ZSCAN5B: variants seen among roughly 807,000 people sequenced by gnomAD.
The protein encoded by ZSCAN5B is zinc finger and SCAN domain containing 5B.
In ZSCAN5B, 26 loss-of-function variants were observed where a neutral mutation model predicts 25.2. That is an observed-to-expected ratio of 1.03 (90% CI 0.76 to 1.43). The LOEUF is 1.43. ZSCAN5B is among the 40% of genes most tolerant of loss of function. The pLI is 0.00. For missense variants in ZSCAN5B, 745 were observed against 622.1 expected (o/e 1.20, Z -2.10); for synonymous variants, 244 against 240.9 (o/e 1.01, Z -0.12).
chr19:56,189,726 T>A (rs1175017368), exon 5 of ZSCAN5B: 1 of 1,398,940 alleles, frequency 7.1e-7, no homozygotes, highest in Admixed American at 2.7e-5. Flanking sequence ...ATCCGGGCAA[T>A]TCCTACCAAG....
chr19:56,196,765 T>G (rs2032815611), intron 1 of ZSCAN5B, among the ~76,000 whole-genome samples: 1 of 152,068 alleles, frequency 6.6e-6, no homozygotes, highest in South Asian at 2.1e-4. Context: ...GCCATCTCGT[T>G]TTGTTTATTT....
intron 1 of ZSCAN5B, among the ~76,000 whole-genome samples, chr19:56,194,493 G>A (rs1229600487): frequency 6.6e-6 from 1 of 152,100 alleles, no homozygotes; most frequent in Admixed American, 6.5e-5. Flanking sequence ...ATGGGGTTTC[G>A]CCATGTTGCC....
chr19:56,195,974 C>G (rs9973245), intron 1 of ZSCAN5B, among the ~76,000 whole-genome samples: 482 of 152,334 alleles, frequency 3.2e-3, no homozygotes, highest in African/African-American at 0.011. Flanking sequence ...ATCCTCCTGC[C>G]TCTGCTTCCC....
At chr19:56,191,950 C>T in exon 3 of ZSCAN5B, 2 of 1,614,048 alleles carry the variant, frequency 1.2e-6, no homozygotes, top group Non-Finnish European at 8.5e-7. Flanking sequence ...GGCCCACTGG[C>T]TGGACACGTC....
intron 1 of ZSCAN5B, among the ~76,000 whole-genome samples, chr19:56,196,201 GC>G (rs1413655675): frequency 6.6e-6 from 1 of 152,032 alleles, no homozygotes; most frequent in Non-Finnish European, 1.5e-5. Context: ...ATAGGCGTGA[GC>G]CACCCCTCTC....
exon 5 of ZSCAN5B, chr19:56,189,795 T>C: frequency 1.3e-6 from 2 of 1,579,660 alleles, no homozygotes; most frequent in South Asian, 2.3e-5. Flanking sequence ...TCACTGTCTC[T>C]TGGGGTGGAG....
chr19:56,195,171 G>T (rs997268347), intron 1 of ZSCAN5B, among the ~76,000 whole-genome samples: 1 of 152,174 alleles, frequency 6.6e-6, no homozygotes, highest in Admixed American at 6.5e-5. Flanking sequence ...GCAGAACAGA[G>T]AGACAGCCAG....
chr19:56,191,557 G>T (rs565554469), intron 3 of ZSCAN5B, among the ~76,000 whole-genome samples: 4 of 152,178 alleles, frequency 2.6e-5, no homozygotes, highest in Non-Finnish European at 5.9e-5. Flanking sequence ...ACTGGATGGG[G>T]TAGGGACCTT....
chr19:56,191,025 T>C (rs1306101951), intron 3 of ZSCAN5B, 38 bp from the exon 4 acceptor site: 1 of 1,613,210 alleles, frequency 6.2e-7, no homozygotes, highest in African/African-American at 1.3e-5. Flanking sequence ...CTGCCGTGTC[T>C]ATACTGGTGG....
exon 5 of ZSCAN5B, chr19:56,190,135 G>C (rs2032706375): frequency 5.0e-6 from 8 of 1,614,054 alleles, no homozygotes; most frequent in Non-Finnish European, 6.8e-6. Flanking sequence ...TCTGAGGGCT[G>C]CAAGAAGCGC....
chr19:56,191,989 G>A (rs752726658), exon 3 of ZSCAN5B: 11 of 1,614,010 alleles, frequency 6.8e-6, no homozygotes, highest in South Asian at 3.3e-5. Context: ...ACTGGCGGGG[G>A]CTTCAGCCAT....
At chr19:56,197,427 G>A (rs886621385) in intron 1 of ZSCAN5B, among the ~76,000 whole-genome samples, 5 of 152,144 alleles carry the variant, frequency 3.3e-5, no homozygotes, top group Non-Finnish European at 5.9e-5. Context: ...TGTTAGAGTC[G>A]GGGTTTCACC....
intron 1 of ZSCAN5B, among the ~76,000 whole-genome samples, chr19:56,197,508 T>A (rs2032825219): frequency 6.6e-6 from 1 of 152,162 alleles, no homozygotes; most frequent in East Asian, 1.9e-4. Flanking sequence ...GTAGCTGGGA[T>A]TACAGGCGTG....
intron 4 of ZSCAN5B, 55 bp from the exon 5 acceptor site, chr19:56,190,630 A>T: frequency 6.3e-7 from 1 of 1,585,314 alleles, no homozygotes; most frequent in Non-Finnish European, 8.6e-7. Context: ...TTTTCAATAC[A>T]CCAAACTCAT....
rs1381325968 is a variant in ZSCAN5B at position 56,192,070 on chromosome 19, G to A, written c.385-17C>T. ...GACTATAGACTGTAGAGAGAAAAAA[G>A]ACAATCAGACACTATGAGAACCTGA... On this transcript the variant is annotated splice_polypyrimidine_tract_variant and intron_variant, in intron 2 of 4. Transcript: ENST00000586855. 6.3e-7 allele frequency: 1 copy of A among 1,597,276 alleles called. No homozygotes were observed. Among genetic ancestry groups the A allele is most frequent in the South Asian group, 1.1e-5 (1 of 88,936 alleles).
chr19:56,191,792 G>T, intron 3 of ZSCAN5B, 58 bp downstream of exon 3: 2 of 1,569,248 alleles, frequency 1.3e-6, no homozygotes, highest in South Asian at 1.1e-5. Context: ...GCAGCCACAC[G>T]ATTTCCTCCT....
chr19:56,189,945 T>A (rs893522419), exon 5 of ZSCAN5B: 1 of 1,614,056 alleles, frequency 6.2e-7, no homozygotes, highest in South Asian at 1.1e-5. Context: ...GGTGCGCTGG[T>A]GAACGTTCAG....
intron 1 of ZSCAN5B, among the ~76,000 whole-genome samples, chr19:56,194,713 G>A (rs1471813701): frequency 6.6e-6 from 1 of 152,016 alleles, no homozygotes; most frequent in African/African-American, 2.4e-5. Context: ...TGCTGCCCAG[G>A]TTCATATGGC....
chr19:56,193,887 G>A (rs1260584432), intron 1 of ZSCAN5B, among the ~76,000 whole-genome samples: 3 of 151,236 alleles, frequency 2.0e-5, no homozygotes, highest in Admixed American at 6.6e-5. Context: ...GCGTGAACCC[G>A]GGAGGCAGAG....
Sources: gnomAD v4.1 joint callset for allele counts (sites outside exome capture counted in the v4.1 genomes callset) on GRCh38, gnomAD v4.1.1 for gene constraint, MANE v1.5 for transcripts, NCBI Gene and HGNC (gene_info 2026-07-23, HGNC 2026-07-21) for gene names.